Variants in SERPINI1 observed in about 807,000 individuals in gnomAD.
The protein encoded by SERPINI1 is neuroserpin.
SERPINI1 carries 19 observed loss-of-function variants against 41.1 expected under a neutral mutation model. That is an observed-to-expected ratio of 0.46 (90% CI 0.32 to 0.68). The LOEUF is 0.68. Among genes scored for constraint, SERPINI1 ranks in the 30% least tolerant of loss-of-function variants. The probability of loss-of-function intolerance (pLI) is 0.03; values close to 1 mark genes in which losing one functional copy is unlikely to be tolerated. For missense variants in SERPINI1, 460 were observed against 479.2 expected, an observed-to-expected ratio of 0.96 and a Z score of 0.37; for synonymous variants, 138 against 156.6, an observed-to-expected ratio of 0.88 and a Z score of 0.89.
chr3:167,760,963 A>G (rs926401560), intron 1 of SERPINI1, among the ~76,000 whole-genome samples: 1 of 152,178 alleles, frequency 6.6e-6, no homozygotes, highest in African/African-American at 2.4e-5. Context: ...ATGCATCTGT[A>G]TTTGAACAAG....
intron 6 of SERPINI1, among the ~76,000 whole-genome samples, chr3:167,810,194 A>G (rs560018330): frequency 6.6e-6 from 1 of 152,202 alleles, no homozygotes; most frequent in South Asian, 2.1e-4. Flanking sequence ...TCTGCTTTGT[A>G]AGGTTGGTAT....
At chr3:167,814,157 G>A (rs1677103705) in intron 6 of SERPINI1, among the ~76,000 whole-genome samples, 1 of 152,098 alleles carries the variant, frequency 6.6e-6, no homozygotes, top group South Asian at 2.1e-4. Flanking sequence ...ACTATACCCT[G>A]AAATTGTAGT....
At chr3:167,792,240 A>G (rs1727545917) in intron 3 of SERPINI1, among the ~76,000 whole-genome samples, 1 of 152,092 alleles carries the variant, frequency 6.6e-6, no homozygotes, top group South Asian at 2.1e-4. Flanking sequence ...GTCTAAGCTT[A>G]TATTGTATGT....
chr3:167,755,529 CAG>C (rs1033683183), intron 1 of SERPINI1, among the ~76,000 whole-genome samples: 2 of 152,162 alleles, frequency 1.3e-5, no homozygotes, highest in African/African-American at 4.8e-5. Context: ...TTAAGCAATT[CAG>C]AGAGAGGAAA....
In SERPINI1 at chr3:167,807,339, C is replaced by T. The variant is rs17856555; in HGVS notation, c.977C>T (p.Ser326Phe). The change falls in exon 6 of 9, where the codon TCT becomes TTT. Residue 326 changes from serine to phenylalanine, a missense_variant and splice_region_variant. By Grantham distance (155) the Ser-to-Phe change is radical (BLOSUM62 -2). Transcript: ENST00000446050. ...FIKDANLTGL[S>F]DNKEIFLSKA... ...AAAGATGCAAATTTGACAGGCCTCTCTGGTAAGAAATAAACACAAATTTTT... is the reference window on the plus strand; with the variant it reads ...AAAGATGCAAATTTGACAGGCCTCTTTGGTAAGAAATAAACACAAATTTTT... 1.3e-6 allele frequency: 2 copies of T among 1,588,398 alleles called. No individual in the cohort carries two copies. Among genetic ancestry groups the T allele is most frequent in the Non-Finnish European group, 1.7e-6 (2 of 1,157,326 alleles).
At chr3:167,741,607 A>G (rs1221149557) in intron 1 of SERPINI1, among the ~76,000 whole-genome samples, 2 of 152,342 alleles carry the variant, frequency 1.3e-5, no homozygotes, top group East Asian at 3.9e-4. Context: ...TAGAGATACC[A>G]TATTGTGGTG....
At chr3:167,758,103 C>T (rs934334665) in intron 1 of SERPINI1, among the ~76,000 whole-genome samples, 3 of 152,162 alleles carry the variant, frequency 2.0e-5, no homozygotes, top group African/African-American at 7.2e-5. Flanking sequence ...TTGAATGTCT[C>T]CGTATCTTTC....
In SERPINI1 at chr3:167,769,227, T is replaced by A. The variant is rs6799632; in HGVS notation, c.-18-19884T>A. On this transcript the variant is annotated intron_variant, in intron 1 of 8. Transcript: ENST00000446050. ...CAGGATGGTCTCAATCTCTTGACCTTGTGATCCACCCGCCTTGGCCTCTCA... is the reference window on the plus strand; with the variant it reads ...CAGGATGGTCTCAATCTCTTGACCTAGTGATCCACCCGCCTTGGCCTCTCA... Among the ~76,000 whole-genome samples, 109 of 151,904 alleles carry A rather than the reference T, an allele frequency of 7.2e-4. 1 individual carries two copies. Among genetic ancestry groups the A allele is most frequent in the African/African-American group, 2.5e-3 (102 of 41,366 alleles).
rs1257439702 is a variant in SERPINI1 at position 167,807,228 on chromosome 3, C to T, written c.882-16C>T. ...GATGCTCTAACTAAATATTTTTCTC[C>T]CTATGTGTTCTCCAGGTTCACAGTG... On this transcript the variant is annotated splice_polypyrimidine_tract_variant and intron_variant, in intron 5 of 8. Transcript: ENST00000446050. 6.5e-7 allele frequency: 1 copy of T among 1,543,942 alleles called. No homozygotes were observed. The highest frequency in any genetic ancestry group is 9.0e-7 in the Non-Finnish European group (1 of 1,116,556).
At chr3:167,762,199 G>A (rs6783912) in intron 1 of SERPINI1, among the ~76,000 whole-genome samples, 54,579 of 151,728 alleles carry the variant, frequency 0.36, 11,457 homozygotes, top group African/African-American at 0.59. Flanking sequence ...CTATAGATAC[G>A]TTGTCGGTGC....
chr3:167,741,029 T>C (rs989479355), intron 1 of SERPINI1, among the ~76,000 whole-genome samples: 1 of 152,116 alleles, frequency 6.6e-6, no homozygotes, highest in Non-Finnish European at 1.5e-5. Flanking sequence ...ACCTGAATTA[T>C]ACAGGTATTT....
intron 5 of SERPINI1, among the ~76,000 whole-genome samples, chr3:167,799,083 T>A (rs1727808267): frequency 6.6e-6 from 1 of 152,194 alleles, no homozygotes; most frequent in Non-Finnish European, 1.5e-5. Context: ...GGGATACATG[T>A]GCAGAACATG....
At chr3:167,801,970 C>T (rs1167088382) in intron 5 of SERPINI1, among the ~76,000 whole-genome samples, 4 of 151,982 alleles carry the variant, frequency 2.6e-5, no homozygotes, top group African/African-American at 7.3e-5. Flanking sequence ...GAAATAATGC[C>T]GCATATCTAC....
At chr3:167,810,181 T>A (rs929870158) in intron 6 of SERPINI1, among the ~76,000 whole-genome samples, 16 of 152,290 alleles carry the variant, frequency 1.1e-4, no homozygotes, top group African/African-American at 3.8e-4. Flanking sequence ...GAGCACCATA[T>A]GCTCTGCTTT....
At chr3:167,745,027 C>T (rs1465610898) in intron 1 of SERPINI1, among the ~76,000 whole-genome samples, 1 of 150,562 alleles carries the variant, frequency 6.6e-6, no homozygotes. Flanking sequence ...ACCAATCTTA[C>T]ATAAATAAAA....
intron 1 of SERPINI1, among the ~76,000 whole-genome samples, chr3:167,760,652 GTTGT>G (rs1279827878): frequency 2.0e-5 from 3 of 151,214 alleles, no homozygotes; most frequent in Admixed American, 6.6e-5. Flanking sequence ...AACGCTATGG[GTTGT>G]TTAAGTGGAA....
intron 1 of SERPINI1, among the ~76,000 whole-genome samples, chr3:167,743,815 A>T (rs572806448): frequency 6.6e-6 from 1 of 152,154 alleles, no homozygotes; most frequent in Non-Finnish European, 1.5e-5. Flanking sequence ...GTAGAAAGCC[A>T]GAAGGAGAAG....
intron 2 of SERPINI1, 61 bp from the exon 3 acceptor site, chr3:167,790,311 C>A: frequency 7.8e-7 from 1 of 1,283,570 alleles, no homozygotes; most frequent in Non-Finnish European, 1.1e-6. Flanking sequence ...TGCTCCTCCA[C>A]TCTCCTTGAC....
intron 1 of SERPINI1, among the ~76,000 whole-genome samples, chr3:167,776,408 G>A (rs1160094656): frequency 1.3e-5 from 2 of 152,194 alleles, no homozygotes; most frequent in Non-Finnish European, 2.9e-5. Flanking sequence ...GGTTTTGTTG[G>A]CATTGATTGA....
Sources: allele counts gnomAD v4.1 joint callset (sites outside exome capture counted in the v4.1 genomes callset), GRCh38; gene constraint gnomAD v4.1.1; transcripts MANE v1.5; gene names NCBI Gene and HGNC (gene_info 2026-07-23, HGNC 2026-07-21).